Variants in GGTA1 observed in about 807,000 individuals in gnomAD.
The protein encoded by GGTA1 is inactive N-acetyllactosaminide alpha-1,3-galactosyltransferase.
In GGTA1, 5 loss-of-function variants were observed where a neutral mutation model predicts 2.6. The observed-to-expected ratio is 1.92, with a 90% CI of 1.00 to 4.04. The LOEUF (loss-of-function observed/expected upper bound fraction) is 4.04. GGTA1 is among the 30% of genes most tolerant of loss of function. GGTA1 has a pLI of 0.00. For synonymous variants in GGTA1, 17 were observed against 5.0 expected (o/e 3.38, Z -3.19); for missense variants, 50 against 16.7 (o/e 2.99, Z -3.47).
At chr9:121,474,902 G>A (rs139463155) in intron 1 of GGTA1, among the ~76,000 whole-genome samples, 37 of 150,680 alleles carry the variant, frequency 2.5e-4, no homozygotes, top group African/African-American at 9.0e-4. Context: ...CCCGTCCTCC[G>A]CTTGAGCCTT....
At chr9:121,457,195 C>A (rs1360329565) in intron 5 of GGTA1, among the ~76,000 whole-genome samples, 1 of 152,120 alleles carries the variant, frequency 6.6e-6, no homozygotes, top group Admixed American at 6.5e-5. Flanking sequence ...GTGTCTTGAG[C>A]CATTTACTGG....
At chr9:121,491,660 A>G (rs1480137513) in intron 1 of GGTA1, among the ~76,000 whole-genome samples, 1 of 150,840 alleles carries the variant, frequency 6.6e-6, no homozygotes, top group Non-Finnish European at 1.5e-5. Flanking sequence ...CCCAGGCTAG[A>G]GTGTAGTGGT....
At chr9:121,473,866 C>A (rs1016397315) in intron 1 of GGTA1, among the ~76,000 whole-genome samples, 1 of 143,810 alleles carries the variant, frequency 7.0e-6, no homozygotes, top group East Asian at 2.2e-4. Context: ...TGCAGTGAGC[C>A]GTGATCAAGC....
intron 1 of GGTA1, among the ~76,000 whole-genome samples, chr9:121,486,503 A>G: frequency 6.6e-6 from 1 of 152,206 alleles, no homozygotes; most frequent in East Asian, 1.9e-4. Flanking sequence ...GGAAGGCCCC[A>G]CAACCCTCTG....
chr9:121,461,284 C>T lies in GGTA1; in HGVS notation c.150G>A (p.Lys50=), dbSNP rs553964866. The T allele has an allele frequency of 1.8e-5, 8 of 456,588 alleles. No homozygotes were observed. In the East Asian group the frequency reaches 4.2e-4, roughly 24 times the overall value. 28.3% of individuals were successfully genotyped at this position (456,588 alleles called of 1,614,324 possible). The change falls in exon 4 of 6, where the codon AAG becomes AAA. Residue 50 remains lysine, a synonymous_variant. Coordinates refer to ENST00000481799, the MANE Select transcript of GGTA1 (RefSeq NM_001382585.1). ...TAAACCAGCTCAGAAACCACCAGCC[C>T]TTCTGAGCACTGCTGTCATCAACTT... is the stretch of plus-strand genomic sequence containing the variant. ...NPEVDDSSAQ[K]GWWFLSWFNN...
intron 2 of GGTA1, among the ~76,000 whole-genome samples, chr9:121,464,167 G>A (rs2064984729): frequency 6.6e-6 from 1 of 152,108 alleles, no homozygotes; most frequent in Admixed American, 6.5e-5. Context: ...ATGTATTCAT[G>A]CTTTAAGCCT....
At chr9:121,460,798 C>G in intron 4 of GGTA1, among the ~76,000 whole-genome samples, 2 of 151,686 alleles carry the variant, frequency 1.3e-5, no homozygotes, top group African/African-American at 4.8e-5. Context: ...TGAGCCGAGA[C>G]CACGCCACTG....
chr9:121,482,490 T>A (rs2118741044), intron 1 of GGTA1, among the ~76,000 whole-genome samples: 1 of 150,436 alleles, frequency 6.6e-6, no homozygotes, highest in African/African-American at 2.4e-5. Context: ...AAAAATCGGC[T>A]GGGCACAGTG....
At position 121,455,666 on chromosome 9, in the gene GGTA1, G is replaced by C. The variant is rs2064905390; in HGVS notation, c.*171C>G. On this transcript the variant is annotated 3_prime_UTR_variant, in exon 6 of 6. Coordinates refer to ENST00000481799, the MANE Select transcript of GGTA1 (RefSeq NM_001382585.1). ...TCCCTGCTCTATACCAGGTCATCCT[G>C]CTAAGCGCTGAGATGGGAGAAATGA... 1 of 293,124 alleles carries C rather than the reference G, an allele frequency of 3.4e-6. No homozygotes were observed. Among genetic ancestry groups the C allele is most frequent in the South Asian group, 3.3e-5 (1 of 30,232 alleles). The allele number at this position is 293,124 out of a possible 1,614,324, so 18.2% of individuals were successfully genotyped here.
intron 5 of GGTA1, 59 bp from the exon 6 acceptor site, chr9:121,455,900 A>G (rs756155721): frequency 2.2e-6 from 1 of 450,026 alleles, no homozygotes; most frequent in Non-Finnish European, 4.5e-6. Flanking sequence ...AAAATATTCT[A>G]TTTCCCAGCT....
At chr9:121,484,914 C>T (rs1828727860) in intron 1 of GGTA1, among the ~76,000 whole-genome samples, 2 of 152,184 alleles carry the variant, frequency 1.3e-5, no homozygotes, top group Non-Finnish European at 2.9e-5. Flanking sequence ...AGCCGTCTGG[C>T]TTGGAAAAGC....
intron 2 of GGTA1, among the ~76,000 whole-genome samples, chr9:121,463,824 C>T (rs1326486603): frequency 1.3e-5 from 2 of 152,118 alleles, no homozygotes; most frequent in East Asian, 1.9e-4. Context: ...ACGGAAATGC[C>T]GTGGCCCAGA....
chr9:121,472,727 A>C (rs1343068894), intron 1 of GGTA1, among the ~76,000 whole-genome samples: 1 of 152,182 alleles, frequency 6.6e-6, no homozygotes, highest in Non-Finnish European at 1.5e-5. Flanking sequence ...GGCAACAGAG[A>C]GGCTGGCTGT....
intron 2 of GGTA1, among the ~76,000 whole-genome samples, chr9:121,467,475 G>A (rs2065013246): frequency 6.6e-6 from 1 of 152,034 alleles, no homozygotes; most frequent in South Asian, 2.1e-4. Flanking sequence ...CAAAATTCAG[G>A]GTGGATTTCT....
chr9:121,457,813 G>T (rs914949927), intron 5 of GGTA1, among the ~76,000 whole-genome samples: 1 of 151,806 alleles, frequency 6.6e-6, no homozygotes, highest in Non-Finnish European at 1.5e-5. Context: ...CTCGGGAGAC[G>T]GTCACAAATG....
chr9:121,479,941 C>G (rs1828605223), intron 1 of GGTA1, among the ~76,000 whole-genome samples: 1 of 152,240 alleles, frequency 6.6e-6, no homozygotes, highest in Non-Finnish European at 1.5e-5. Flanking sequence ...CAACTCCGCT[C>G]TCTGGCTGAA....
intron 1 of GGTA1, among the ~76,000 whole-genome samples, chr9:121,481,826 G>A (rs1466216603): frequency 2.7e-5 from 4 of 149,696 alleles, no homozygotes; most frequent in South Asian, 2.1e-4. Context: ...GAGAAACCCC[G>A]TCTCTACTAA....
intron 1 of GGTA1, among the ~76,000 whole-genome samples, chr9:121,494,056 C>A (rs1257744993): frequency 6.6e-6 from 1 of 152,114 alleles, no homozygotes; most frequent in Non-Finnish European, 1.5e-5. Flanking sequence ...CGCACCCAGC[C>A]GCTAGGCTCA....
At chr9:121,466,483 T>C (rs2065005853) in intron 2 of GGTA1, among the ~76,000 whole-genome samples, 1 of 152,190 alleles carries the variant, frequency 6.6e-6, no homozygotes, top group Admixed American at 6.5e-5. Context: ...TTTCTTAAAA[T>C]GAGTTGTGCA....
Sources: gnomAD v4.1 joint callset for allele counts (sites outside exome capture counted in the v4.1 genomes callset) on GRCh38, gnomAD v4.1.1 for gene constraint, MANE v1.5 for transcripts, NCBI Gene and HGNC (gene_info 2026-07-23, HGNC 2026-07-21) for gene names.